The following TSGA10 variants were observed in gnomAD, a reference collection of about 807,000 sequenced individuals.
TSGA10 encodes testis-specific gene 10 protein.
In TSGA10, 43 loss-of-function variants were observed where a neutral mutation model predicts 96.6. The ratio of observed to expected loss-of-function variants is 0.44; its 90% CI spans 0.35 to 0.57. TSGA10 has a LOEUF of 0.57. Among genes scored for constraint, TSGA10 ranks in the 20% least tolerant of loss-of-function variants. The pLI, the probability that TSGA10 is intolerant of heterozygous loss-of-function variation, is 0.01. For missense variants in TSGA10, 703 were observed against 834.4 expected (o/e 0.84, Z 1.94); for synonymous variants, 229 against 269.9 (o/e 0.85, Z 1.48).
chr2:99,149,596 C>T (rs957259164), intron 1 of TSGA10, among the ~76,000 whole-genome samples: 2 of 151,428 alleles, frequency 1.3e-5, no homozygotes, highest in South Asian at 2.1e-4. Context: ...GTGCCCGCCA[C>T]CACGCCCGGC....
intron 1 of TSGA10, among the ~76,000 whole-genome samples, chr2:99,136,026 C>T (rs2093315876): frequency 1.5e-5 from 1 of 66,644 alleles, no homozygotes; most frequent in Admixed American, 1.5e-4. Context: ...AAAAAAGGGT[C>T]TGCATCATAG....
chr2:99,065,140 T>C lies in TSGA10; in HGVS notation c.1219-16A>G, dbSNP rs746184025. 2.5e-6 allele frequency: 4 copies of C among 1,607,078 alleles called. No homozygotes were observed. Among genetic ancestry groups the C allele is most frequent in the African/African-American group, 1.3e-5 (1 of 74,326 alleles). The stretch of plus-strand genomic sequence containing the variant: ...TCTCAGATTCCTGAAAAGCAAACTT[T>C]AGCTATTACTTTAAAATGCTGAACA... On this transcript the variant is annotated splice_polypyrimidine_tract_variant and intron_variant, in intron 15 of 20. Transcript: ENST00000393483.
At chr2:99,033,396 C>T (rs2081316588) in intron 17 of TSGA10, among the ~76,000 whole-genome samples, 1 of 152,170 alleles carries the variant, frequency 6.6e-6, no homozygotes, top group Non-Finnish European at 1.5e-5. Context: ...ATGAGAGCAA[C>T]TTCAGAGATT....
chr2:99,015,483 A>T (rs1336969009), intron 20 of TSGA10, among the ~76,000 whole-genome samples: 1 of 152,136 alleles, frequency 6.6e-6, no homozygotes, highest in East Asian at 1.9e-4. Context: ...TATAGGAGGG[A>T]CACACACTTC....
rs973183211 is a variant in TSGA10 at position 99,109,517 on chromosome 2, A to G, written c.-73-5T>C. On this transcript the variant is annotated splice_region_variant and splice_polypyrimidine_tract_variant and intron_variant, in intron 5 of 20. Coordinates refer to ENST00000393483, the MANE Select transcript of TSGA10 (RefSeq NM_025244.4). ...GTCTTGACAAAGGAATCAAGTCTAG[A>G]AGGAGATTTATTTTGTGCTTTTTCA... 1.3e-6 allele frequency: 2 copies of G among 1,558,176 alleles called. No individual in the cohort carries two copies.
chr2:99,149,414 A>G (rs1218143780), intron 1 of TSGA10, among the ~76,000 whole-genome samples: 1 of 150,846 alleles, frequency 6.6e-6, no homozygotes, highest in Admixed American at 6.6e-5. Flanking sequence ...GAAACTTCCC[A>G]AGGCCTCCCT....
intron 16 of TSGA10, among the ~76,000 whole-genome samples, chr2:99,052,420 T>A (rs189732844): frequency 1.2e-3 from 188 of 151,636 alleles, no homozygotes; most frequent in Non-Finnish European, 2.2e-3. Flanking sequence ...TGAAAAAAAA[T>A]TTTTTTAAAG....
rs148224475 is a variant in TSGA10 at position 99,122,615 on chromosome 2, CAAAAAAAAAAAAAA to C, written c.-491-3943_-491-3930del. Among the ~76,000 whole-genome samples, 53 of 53,286 alleles carry C rather than the reference CAAAAAAAAAAAAAA, an allele frequency of 9.9e-4. 1 individual carries two copies. The highest frequency in any genetic ancestry group is 3.4e-3 in the African/African-American group (47 of 13,934). The allele number at this position is 53,286 out of a possible 152,430, so 35.0% of individuals were successfully genotyped here. On this transcript the variant is annotated intron_variant, in intron 2 of 20. Coordinates refer to ENST00000393483, the MANE Select transcript of TSGA10 (RefSeq NM_025244.4). ...AAACATGGCAAAACTCCATCTCTAC[CAAAAAAAAAAAAAA>C]AAAAAAAAAAAATCAGCCAACCATG...
chr2:99,016,984 T>TA (rs1372778080), intron 20 of TSGA10, among the ~76,000 whole-genome samples: 2 of 151,936 alleles, frequency 1.3e-5, no homozygotes, highest in African/African-American at 4.8e-5. Context: ...TGGCCATAAT[T>TA]AAAAAATCAA....
intron 16 of TSGA10, 123 bp downstream of exon 16, chr2:99,064,816 T>C: frequency 1.3e-6 from 1 of 766,940 alleles, no homozygotes. Context: ...GTTAGCATGC[T>C]ACAATTCACA....
intron 16 of TSGA10, among the ~76,000 whole-genome samples, chr2:99,041,759 G>A (rs1427561093): frequency 6.6e-6 from 1 of 152,084 alleles, no homozygotes; most frequent in Non-Finnish European, 1.5e-5. Flanking sequence ...TCTAGACATT[G>A]GCTTAGGCAA....
chr2:99,094,086 G>C (rs2089707181), intron 10 of TSGA10, among the ~76,000 whole-genome samples: 1 of 152,154 alleles, frequency 6.6e-6, no homozygotes, highest in Non-Finnish European at 1.5e-5. Context: ...TAAGAACGCA[G>C]AAATAAGGCC....
chr2:99,092,636 T>C (rs758069549), intron 10 of TSGA10, among the ~76,000 whole-genome samples: 2 of 152,128 alleles, frequency 1.3e-5, no homozygotes, highest in Non-Finnish European at 2.9e-5. Context: ...TTAAGGCTAC[T>C]ACAAACACCT....
intron 16 of TSGA10, among the ~76,000 whole-genome samples, chr2:99,056,662 A>G (rs1264968288): frequency 3.3e-5 from 5 of 152,130 alleles, no homozygotes; most frequent in Admixed American, 6.5e-5. Flanking sequence ...AGAAGAATCA[A>G]TGCAAATTCC....
chr2:99,129,633 CCCTA>C (rs1187510180), intron 1 of TSGA10, among the ~76,000 whole-genome samples: 1 of 152,200 alleles, frequency 6.6e-6, no homozygotes, highest in African/African-American at 2.4e-5. Context: ...CTGCCAGCTT[CCCTA>C]CCTCAGGCCA....
At position 99,039,607 on chromosome 2, in the gene TSGA10, C is replaced by CA. The variant is rs57401175; in HGVS notation, c.1405-4169dup. Among the ~76,000 whole-genome samples, 54 of 151,208 alleles carry CA rather than the reference C, an allele frequency of 3.6e-4. No homozygotes were observed. The East Asian group carries it at 5.6e-3, about 16-fold the overall frequency. On this transcript the variant is annotated intron_variant, in intron 16 of 20. Transcript: ENST00000393483. ...GCAGCAAGATTCAAATGGTAAAAAACAAAAAAAACAAGAAACAAAAACAAA... is the reference window on the plus strand; with the variant it reads ...GCAGCAAGATTCAAATGGTAAAAAACAAAAAAAAACAAGAAACAAAAACAAA...
At chr2:99,089,598 G>C (rs1248374465) in intron 10 of TSGA10, among the ~76,000 whole-genome samples, 1 of 152,142 alleles carries the variant, frequency 6.6e-6, no homozygotes. Context: ...TTGGCCTTTT[G>C]GGTTGCATGG....
chr2:99,018,714 A>AC, intron 18 of TSGA10, 74 bp from the exon 19 acceptor site: 1 of 1,278,656 alleles, frequency 7.8e-7, no homozygotes, highest in Non-Finnish European at 1.1e-6. Flanking sequence ...ACATGAAACC[A>AC]TATTGATAGT....
chr2:99,104,308 T>C (rs2091099334), intron 9 of TSGA10, among the ~76,000 whole-genome samples, 190 bp from the exon 10 acceptor site: 1 of 152,218 alleles, frequency 6.6e-6, no homozygotes, highest in South Asian at 2.1e-4. Flanking sequence ...GAAAAGCCAC[T>C]GCAAAGTAAA....
Sources: gnomAD v4.1 joint callset for allele counts (sites outside exome capture counted in the v4.1 genomes callset) on GRCh38, gnomAD v4.1.1 for gene constraint, MANE v1.5 for transcripts, NCBI Gene and HGNC (gene_info 2026-07-23, HGNC 2026-07-21) for gene names.